SIRPB1: variants seen among roughly 807,000 people sequenced by gnomAD.
SIRPB1 encodes signal-regulatory protein beta-1.
SIRPB1 carries 28 observed loss-of-function variants against 34.1 expected under a neutral mutation model. That is an observed-to-expected ratio of 0.82 (90% CI 0.61 to 1.12). The LOEUF is 1.12. Among genes scored for constraint, SIRPB1 ranks in the 50% most tolerant of loss-of-function variants. SIRPB1 has a pLI of 0.00. For synonymous variants in SIRPB1, 211 were observed against 203.8 expected (o/e 1.04, Z -0.30); for missense variants, 499 against 507.0 (o/e 0.98, Z 0.15).
rs1049797351 is a variant in SIRPB1, at chr20:1,565,124, G to C, written c.*376C>G. The C allele has an allele frequency of 3.0e-5, 12 of 398,548 alleles. No individual in the cohort carries two copies. Among genetic ancestry groups the C allele is most frequent in the African/African-American group, 2.3e-4 (11 of 48,726 alleles). 24.7% of individuals were successfully genotyped at this position (398,548 alleles called of 1,614,324 possible). A position where few individuals can be genotyped will look rare whatever the true frequency, so the allele number is the denominator to read the frequency against. ...AGTAGAGAACCTCAACAAGGCTGGG[G>C]GAGTTGGGGTAGGCAGGAATCCAGA... On this transcript the variant is annotated 3_prime_UTR_variant, in exon 6 of 6. Transcript: ENST00000381605.
Position 1,571,925 on chromosome 20 carries a change from T to G in SIRPB1, c.546A>C (p.Lys182Asn), listed in dbSNP as rs1358949471. ...HGFSPRDITLKWFKNGNELSD... is the reference protein window; with the variant it reads ...HGFSPRDITLNWFKNGNELSD... ...AGAGCTCATTCCCATTTTTGAACCA[T>G]TTCAGGGTGATGTCTCTGGGAGAGA... The change falls in exon 3 of 6, where the codon AAA becomes AAC. Residue 182 changes from lysine to asparagine, a missense_variant. Physicochemically the swap from Lys to Asn is moderately conservative, Grantham distance 94 (BLOSUM62 0). Transcript: ENST00000381605. 3 of 1,614,126 alleles carry G rather than the reference T, an allele frequency of 1.9e-6. No individual in the cohort carries two copies. The South Asian group carries it at 3.3e-5, about 18-fold the overall frequency.
intron 1 of SIRPB1, 22 bp from the exon 2 acceptor site, chr20:1,578,716 T>C: frequency 6.6e-7 from 1 of 1,509,082 alleles, no homozygotes; most frequent in Non-Finnish European, 9.2e-7. Flanking sequence ...CACAAAGCAG[T>C]CATTTCTTCA....
intron 1 of SIRPB1, among the ~76,000 whole-genome samples, chr20:1,615,304 C>T (rs1347042105): frequency 1.3e-5 from 2 of 152,206 alleles, no homozygotes; most frequent in Non-Finnish European, 2.9e-5. Context: ...TATAATGCCC[C>T]TCTCAGCTTT....
At chr20:1,568,140 C>T (rs141971818) in intron 4 of SIRPB1, among the ~76,000 whole-genome samples, 37 of 152,250 alleles carry the variant, frequency 2.4e-4, no homozygotes, top group Middle Eastern at 3.4e-3. Flanking sequence ...CGCTACTTGT[C>T]GCTATAAATA....
chr20:1,591,698 A>G lies in SIRPB1; in HGVS notation c.77-13004T>C, dbSNP rs1194793680. 2 of 56,018 alleles carry G rather than the reference A, an allele frequency of 3.6e-5. 1 individual carries two copies. Among genetic ancestry groups the G allele is most frequent in the Non-Finnish European group, 7.1e-5 (2 of 28,156 alleles). 3.5% of individuals were successfully genotyped at this position (56,018 alleles called of 1,614,324 possible). ...GTGGAATCACATTGATGACAATGGA[A>G]AGGGCCATTGGGCATTTGAGTCCTG... On this transcript the variant is annotated intron_variant, in intron 1 of 5. Transcript: ENST00000381605.
Position 1,578,521 on chromosome 20 carries a change from C to T in SIRPB1, c.250G>A (p.Gly84Ser). ...GRELIYNQKEGHFPRVTTVSE... is the reference protein window; with the variant it reads ...GRELIYNQKESHFPRVTTVSE... ...ACAGTTGTTACCCGTGGGAAGTGGCCTTCTTTCTGATTGTAGATTAATTCC... is the reference window on the plus strand; with the variant it reads ...ACAGTTGTTACCCGTGGGAAGTGGCTTTCTTTCTGATTGTAGATTAATTCC... The change falls in exon 2 of 6, where the codon GGC becomes AGC. Residue 84 changes from glycine to serine, a missense_variant. Coordinates refer to ENST00000381605, the MANE Select transcript of SIRPB1 (RefSeq NM_006065.5). 6.3e-7 allele frequency: 1 copy of T among 1,583,842 alleles called. No individual in the cohort carries two copies. The highest frequency in any genetic ancestry group is 8.6e-7 in the Non-Finnish European group (1 of 1,157,610).
intron 1 of SIRPB1, chr20:1,611,592 C>G: frequency 3.3e-6 from 4 of 1,229,866 alleles, no homozygotes; most frequent in Non-Finnish European, 4.4e-6. Flanking sequence ...CTCTGAACCA[C>G]TGGATGGGCC....
At position 1,592,122 on chromosome 20, in the gene SIRPB1, C is replaced by A. The variant is rs1454687113; in HGVS notation, c.77-13428G>T. Among the ~76,000 whole-genome samples the A allele has an allele frequency of 4.0e-5, 2 of 49,412 alleles. 1 individual carries two copies. The highest frequency in any genetic ancestry group is 2.7e-4 in the Admixed American group (2 of 7,460). 32.4% of individuals were successfully genotyped at this position (49,412 alleles called of 152,430 possible). ...TCCCCAGCCATGCAGAACTGTGAGT[C>A]AATTACACCTCTTTTATTTATAAAT... On this transcript the variant is annotated intron_variant, in intron 1 of 5. Transcript: ENST00000381605.
intron 2 of SIRPB1, among the ~76,000 whole-genome samples, chr20:1,574,778 C>T (rs2091289958): frequency 1.5e-5 from 1 of 68,604 alleles, no homozygotes; most frequent in Non-Finnish European, 2.8e-5. Flanking sequence ...TCAGTGTTAC[C>T]ATCAAAGGGT....
rs2091086126 is a variant in SIRPB1, at chr20:1,561,957, C to A, written c.*3543G>T. ...GGACTCTTCTGCACTGGAGATTCTT[C>A]TCTTCTTTCCCATTAATTTATTCAA... On this transcript the variant is annotated 3_prime_UTR_variant, in exon 6 of 6. Transcript: ENST00000381605. Among the ~76,000 whole-genome samples the A allele has an allele frequency of 6.6e-6, 1 of 152,058 alleles. No homozygotes were observed. The highest frequency in any genetic ancestry group is 1.5e-5 in the Non-Finnish European group (1 of 68,028).
chr20:1,566,675 A>G (rs1004734910), intron 4 of SIRPB1, among the ~76,000 whole-genome samples: 5 of 152,186 alleles, frequency 3.3e-5, no homozygotes, highest in African/African-American at 1.2e-4. Context: ...GCCCATCATT[A>G]TGTCCCCAAG....
chr20:1,605,127 G>C lies in SIRPB1; in HGVS notation c.76+14742C>G, dbSNP rs2317874. On this transcript the variant is annotated intron_variant, in intron 1 of 5. Coordinates refer to ENST00000381605, the MANE Select transcript of SIRPB1 (RefSeq NM_006065.5). Reference sequence around the variant, plus strand: ...ACAATCACTAACGATAAGTGTGTGAGATGTTAAGAACCTTCTGAGACATTA... The same window carrying C: ...ACAATCACTAACGATAAGTGTGTGACATGTTAAGAACCTTCTGAGACATTA... 3 of 576,144 alleles carry C rather than the reference G, an allele frequency of 5.2e-6. 1 individual carries two copies. The highest frequency in any genetic ancestry group is 7.0e-6 in the Non-Finnish European group (3 of 427,864). 35.7% of individuals were successfully genotyped at this position (576,144 alleles called of 1,614,324 possible). A position where few individuals can be genotyped will look rare whatever the true frequency, so the allele number is the denominator to read the frequency against.
At chr20:1,569,760 G>T (rs181810686) in intron 4 of SIRPB1, among the ~76,000 whole-genome samples, 1 of 152,358 alleles carries the variant, frequency 6.6e-6, no homozygotes, top group East Asian at 1.9e-4. Context: ...TTGAATGTCA[G>T]CTTTAATGGC....
At chr20:1,617,184 A>G (rs763832262) in intron 1 of SIRPB1, among the ~76,000 whole-genome samples, 3 of 152,210 alleles carry the variant, frequency 2.0e-5, no homozygotes, top group Admixed American at 6.5e-5. Flanking sequence ...CAATCTCACT[A>G]TTGGGCATAC....
chr20:1,596,726 C>T (rs1211366449), intron 1 of SIRPB1, among the ~76,000 whole-genome samples: 1 of 48,884 alleles, frequency 2.0e-5, no homozygotes, highest in East Asian at 5.8e-4. Flanking sequence ...GCAGCTGTTG[C>T]GGGGAAGAAG....
chr20:1,619,540 G>T (rs146723135), intron 1 of SIRPB1, among the ~76,000 whole-genome samples: 1 of 152,350 alleles, frequency 6.6e-6, no homozygotes, highest in African/African-American at 2.4e-5. Context: ...AGCTTACTCT[G>T]TGGACTTGGG....
chr20:1,602,886 T>C, intron 1 of SIRPB1, among the ~76,000 whole-genome samples: 1 of 49,084 alleles, frequency 2.0e-5, no homozygotes, highest in East Asian at 5.8e-4. Context: ...GTAGAGTCTG[T>C]GGCTGGGCCT....
rs1479167914 is a variant in SIRPB1, at chr20:1,588,587, G to A, written c.77-9893C>T. The A allele has an allele frequency of 3.3e-6, 2 of 599,590 alleles. 1 individual carries two copies. Among genetic ancestry groups the A allele is most frequent in the East Asian group, 1.2e-4 (2 of 16,142 alleles). 37.1% of individuals were successfully genotyped at this position (599,590 alleles called of 1,614,324 possible). ...GTGAGTCCCAGCAATAGAGTCAGCA[G>A]CAGGAAAGGACAAGGAGGGTGGGGC... On this transcript the variant is annotated intron_variant, in intron 1 of 5. Transcript: ENST00000381605.
intron 1 of SIRPB1, chr20:1,603,893 T>C: frequency 1.6e-6 from 1 of 609,592 alleles, no homozygotes; most frequent in Non-Finnish European, 2.2e-6. Context: ...CTGCCCGTCA[T>C]GCTCCACCTG....
Sources: gnomAD v4.1 joint callset for allele counts (sites outside exome capture counted in the v4.1 genomes callset) on GRCh38, gnomAD v4.1.1 for gene constraint, MANE v1.5 for transcripts, NCBI Gene and HGNC (gene_info 2026-07-23, HGNC 2026-07-21) for gene names.